Variants in FRMD5 observed in about 807,000 individuals in gnomAD.
The protein encoded by FRMD5 is FERM domain-containing protein 5.
A neutral mutation model predicts 69.0 loss-of-function variants in FRMD5; 20 were observed. That is an observed-to-expected ratio of 0.29 (90% confidence interval 0.20 to 0.42). The LOEUF is 0.42. Ranked by LOEUF, FRMD5 falls within the 10% of genes least tolerant of loss-of-function variation. The probability of loss-of-function intolerance (pLI) is 1.00; values close to 1 mark genes in which losing one functional copy is unlikely to be tolerated. For missense variants in FRMD5, 595 were observed against 708.6 expected (o/e 0.84, Z 1.82); for synonymous variants, 271 against 260.1 (o/e 1.04, Z -0.40).
Position 44,195,057 on chromosome 15 carries a change from T to C in FRMD5, c.-3A>G, listed in dbSNP as rs1406722150. On this transcript the variant is annotated 5_prime_UTR_variant, in exon 1 of 14. Transcript: ENST00000417257. Reference sequence around the variant, plus strand: ...CCGCTCATCAACCTGCTCAGCATCTTCCCGCCCGCCCGCCCGGGAGCGACG... The same window carrying C: ...CCGCTCATCAACCTGCTCAGCATCTCCCCGCCCGCCCGCCCGGGAGCGACG... The C allele has an allele frequency of 1.4e-6, 2 of 1,474,378 alleles. No individual in the cohort carries two copies. Among genetic ancestry groups the C allele is most frequent in the Non-Finnish European group, 1.8e-6 (2 of 1,103,730 alleles). The allele number at this position is 1,474,378 out of a possible 1,614,324, so 91.3% of individuals were successfully genotyped here.
Position 44,010,460 on chromosome 15 carries a change from C to T in FRMD5, c.103-86151G>A, listed in dbSNP as rs369685318. 2.2e-4 allele frequency among the ~76,000 whole-genome samples: 33 copies of T among 149,662 alleles called. 1 individual carries two copies. The highest frequency in any genetic ancestry group is 1.8e-3 in the East Asian group (9 of 5,074). On this transcript the variant is annotated intron_variant, in intron 1 of 13. Coordinates refer to ENST00000417257, the MANE Select transcript of FRMD5 (RefSeq NM_032892.5). ...TCACCCAAGCTGGAGTGCAGTGGCA[C>T]GATCTCAGCTCACTGCAACCTCCAT...
chr15:43,919,391 G>T, intron 4 of FRMD5, 68 bp downstream of exon 4: 1 of 1,356,484 alleles, frequency 7.4e-7, no homozygotes, highest in Non-Finnish European at 1.1e-6. Flanking sequence ...GGCTCTAAGA[G>T]GTCACCATCC....
chr15:44,009,245 C>T lies in FRMD5; in HGVS notation c.103-84936G>A, dbSNP rs563509461. Among the ~76,000 whole-genome samples the T allele has an allele frequency of 5.1e-3, 783 of 152,332 alleles. 3 individuals are homozygous for T. The highest frequency in any genetic ancestry group is 8.4e-3 in the Non-Finnish European group (569 of 68,038). On this transcript the variant is annotated intron_variant, in intron 1 of 13. Transcript: ENST00000417257. Reference sequence around the variant, plus strand: ...CTTTCTAAGGGTTGGGTCACAGTAGCTCATATGACTGATAATGAGTCAGAG... The same window carrying T: ...CTTTCTAAGGGTTGGGTCACAGTAGTTCATATGACTGATAATGAGTCAGAG...
intron 12 of FRMD5, 148 bp downstream of exon 12, chr15:43,884,579 T>A (rs2088616582): frequency 3.2e-6 from 2 of 621,454 alleles, no homozygotes; most frequent in Non-Finnish European, 5.8e-6. Flanking sequence ...CTTCTCCCCA[T>A]CCCTCTGAGA....
At chr15:44,015,998 G>T (rs1890940280) in intron 1 of FRMD5, among the ~76,000 whole-genome samples, 1 of 152,166 alleles carries the variant, frequency 6.6e-6, no homozygotes, top group Non-Finnish European at 1.5e-5. Context: ...GAAGTTCCCG[G>T]TTTACAGATA....
intron 1 of FRMD5, among the ~76,000 whole-genome samples, chr15:44,176,880 C>T (rs990383665): frequency 6.7e-6 from 1 of 149,878 alleles, no homozygotes; most frequent in African/African-American, 2.5e-5. Flanking sequence ...CACATGTATA[C>T]ATAGGTAACT....
chr15:43,982,078 T>C (rs1398586537), intron 1 of FRMD5, among the ~76,000 whole-genome samples: 2 of 152,256 alleles, frequency 1.3e-5, no homozygotes, highest in East Asian at 3.8e-4. Flanking sequence ...GCTGTAATCC[T>C]TCCAGACTTT....
At chr15:44,162,775 G>A (rs1296487564) in intron 1 of FRMD5, among the ~76,000 whole-genome samples, 1 of 148,422 alleles carries the variant, frequency 6.7e-6, no homozygotes, top group Non-Finnish European at 1.5e-5. Flanking sequence ...GCTGAGGCAG[G>A]AGAATTGCTT....
intron 8 of FRMD5, among the ~76,000 whole-genome samples, chr15:43,889,297 A>G (rs2088740808): frequency 6.6e-6 from 1 of 152,216 alleles, no homozygotes; most frequent in Non-Finnish European, 1.5e-5. Context: ...ATGAGAAACA[A>G]TGCAACCAGG....
At position 44,078,604 on chromosome 15, in the gene FRMD5, A is replaced by G. The variant is rs192706684; in HGVS notation, c.102+116349T>C. 1.6e-4 allele frequency among the ~76,000 whole-genome samples: 24 copies of G among 152,294 alleles called. No homozygotes were observed. In the East Asian group the frequency reaches 3.9e-3, roughly 24 times the overall value. On this transcript the variant is annotated intron_variant, in intron 1 of 13. Coordinates refer to ENST00000417257, the MANE Select transcript of FRMD5 (RefSeq NM_032892.5). ...GACATATAGACCAAAGGAATAAAATAGAGCCCAGAAATAAAACATTATGCT... is the reference window on the plus strand; with the variant it reads ...GACATATAGACCAAAGGAATAAAATGGAGCCCAGAAATAAAACATTATGCT...
intron 7 of FRMD5, among the ~76,000 whole-genome samples, chr15:43,895,720 G>C (rs1346126849): frequency 6.6e-6 from 1 of 152,186 alleles, no homozygotes; most frequent in Non-Finnish European, 1.5e-5. Flanking sequence ...GTATCCGCAG[G>C]GGCAGATGAC....
At chr15:43,883,932 T>A (rs963208894) in intron 12 of FRMD5, 123 bp from the exon 13 acceptor site, 4 of 701,616 alleles carry the variant, frequency 5.7e-6, no homozygotes, top group East Asian at 2.8e-5. Flanking sequence ...CTCTCTTTTT[T>A]AAAATCTTTA....
In FRMD5 at chr15:43,918,296, C is replaced by T. The variant is rs529279118; in HGVS notation, c.329+1163G>A. Among the ~76,000 whole-genome samples the T allele has an allele frequency of 2.9e-4, 44 of 152,222 alleles. 1 individual carries two copies. Among genetic ancestry groups the T allele is most frequent in the Non-Finnish European group, 4.6e-4 (31 of 68,034 alleles). ...AAAATTAGCCAGCCGTGGTGGCAGGCGCCCGTAATCCCAGTTAGTCAGGAG... is the reference window on the plus strand; with the variant it reads ...AAAATTAGCCAGCCGTGGTGGCAGGTGCCCGTAATCCCAGTTAGTCAGGAG... On this transcript the variant is annotated intron_variant, in intron 4 of 13. Transcript: ENST00000417257.
intron 1 of FRMD5, among the ~76,000 whole-genome samples, chr15:44,054,714 T>C (rs1375719240): frequency 6.6e-6 from 1 of 152,110 alleles, no homozygotes; most frequent in African/African-American, 2.4e-5. Context: ...GAGTGATATG[T>C]CAGTTTTCAA....
intron 1 of FRMD5, among the ~76,000 whole-genome samples, chr15:44,036,725 C>T (rs1891930329): frequency 1.3e-5 from 2 of 152,206 alleles, no homozygotes. Context: ...AGTATATCAT[C>T]TGTAAGTAAT....
intron 1 of FRMD5, among the ~76,000 whole-genome samples, chr15:44,148,462 G>A (rs533184218): frequency 4.6e-5 from 7 of 152,166 alleles, no homozygotes; most frequent in Admixed American, 1.3e-4. Flanking sequence ...TAGTTGAGAC[G>A]GGGTTTCACC....
intron 1 of FRMD5, among the ~76,000 whole-genome samples, chr15:44,022,282 G>A (rs1891240896): frequency 6.6e-6 from 1 of 151,948 alleles, no homozygotes; most frequent in Non-Finnish European, 1.5e-5. Flanking sequence ...AAGAGGGCAG[G>A]CGGCTGGGTG....
chr15:44,102,988 C>A (rs1351137212), intron 1 of FRMD5, among the ~76,000 whole-genome samples: 1 of 152,126 alleles, frequency 6.6e-6, no homozygotes, highest in Non-Finnish European at 1.5e-5. Context: ...ACACTCATAA[C>A]CTTGGGTACT....
intron 13 of FRMD5, among the ~76,000 whole-genome samples, chr15:43,882,444 C>A (rs147593935): frequency 6.6e-6 from 1 of 151,966 alleles, no homozygotes; most frequent in Non-Finnish European, 1.5e-5. Context: ...CTGCAACCTC[C>A]GCCTCCTGGG....
Sources: allele counts gnomAD v4.1 joint callset (sites outside exome capture counted in the v4.1 genomes callset), GRCh38; gene constraint gnomAD v4.1.1; transcripts MANE v1.5; gene names NCBI Gene and HGNC (gene_info 2026-07-23, HGNC 2026-07-21).